The following ST3GAL4 variants were observed in gnomAD, a reference collection of about 807,000 sequenced individuals.
ST3GAL4 encodes the protein CMP-N-acetylneuraminate-beta-galactosamide-alpha-2,3-sialyltransferase 4.
Under a neutral mutation model 42.6 loss-of-function variants are expected in ST3GAL4, and 24 were observed. The observed-to-expected ratio is 0.56, with a 90% CI of 0.41 to 0.79. ST3GAL4 has a LOEUF of 0.79. ST3GAL4 is among the 30% of genes least tolerant of loss of function. ST3GAL4 has a pLI of 0.00. For missense variants in ST3GAL4, 311 were observed against 430.8 expected (o/e 0.72, Z 2.46); for synonymous variants, 135 against 163.2 (o/e 0.83, Z 1.32).
At position 126,398,476 on chromosome 11, in the gene ST3GAL4, G is replaced by A. The variant is rs1953870923; in HGVS notation, c.-60-7620G>A. On this transcript the variant is annotated intron_variant, in intron 1 of 10. Coordinates refer to ENST00000444328, the MANE Select transcript of ST3GAL4 (RefSeq NM_001254757.2). This position sits in a 1 kb window ranked among gnomAD's most constrained non-coding sequence, Gnocchi z 4.7. ...CTCATTCCATGCAGCAGCTCTCACC[G>A]GTTGGAGTCTCATGCTTGCAGCTCC... is the stretch of plus-strand genomic sequence containing the variant. Among the ~76,000 whole-genome samples the A allele has an allele frequency of 6.6e-6, 1 of 152,326 alleles. No homozygotes were observed. The highest frequency in any genetic ancestry group is 1.5e-5 in the Non-Finnish European group (1 of 68,024).
rs538310650 is a variant in ST3GAL4, at chr11:126,383,794, G to A, written c.-60-22302G>A. Among the ~76,000 whole-genome samples the A allele has an allele frequency of 5.7e-4, 87 of 152,296 alleles. No homozygotes were observed. Among genetic ancestry groups the A allele is most frequent in the African/African-American group, 2.0e-3 (85 of 41,572 alleles). On this transcript the variant is annotated intron_variant, in intron 1 of 10. Transcript: ENST00000444328. This position sits in a 1 kb window ranked among gnomAD's most constrained non-coding sequence, Gnocchi z 4.5. ...GCAGATTCACCAGAGGGGCTACTGC[G>A]CAGAGCCTGGGCCCTGGACACCTAG...
At chr11:126,380,866 G>C (rs1952972251) in intron 1 of ST3GAL4, among the ~76,000 whole-genome samples, 1 of 152,226 alleles carries the variant, frequency 6.6e-6, no homozygotes, top group Admixed American at 6.5e-5. Flanking sequence ...GGAATGGAGG[G>C]AGTTGGCCAA....
At position 126,396,571 on chromosome 11, in the gene ST3GAL4, C is replaced by G. The variant is rs12289389; in HGVS notation, c.-60-9525C>G. ...GCGGAAGCGTGGCTGAGAAGGGGCT[C>G]GACAGGCTCTTCGTCACTGTGCGGA... On this transcript the variant is annotated intron_variant, in intron 1 of 10. Transcript: ENST00000444328. This position sits in a 1 kb window ranked among gnomAD's most constrained non-coding sequence, Gnocchi z 5.8. 6.6e-6 allele frequency among the ~76,000 whole-genome samples: 1 copy of G among 151,050 alleles called. No individual in the cohort carries two copies. The highest frequency in any genetic ancestry group is 6.6e-5 in the Admixed American group (1 of 15,254).
chr11:126,371,027 C>T (rs1031874725), intron 1 of ST3GAL4, among the ~76,000 whole-genome samples: 3 of 151,766 alleles, frequency 2.0e-5, no homozygotes, highest in African/African-American at 7.3e-5. Flanking sequence ...TAACAGACCT[C>T]CATGTGATAA....
chr11:126,375,514 C>A lies in ST3GAL4; in HGVS notation c.-61+19672C>A, dbSNP rs1280000019. Among the ~76,000 whole-genome samples, 7 of 152,266 alleles carry A rather than the reference C, an allele frequency of 4.6e-5. No individual in the cohort carries two copies. The East Asian group carries it at 1.4e-3, about 29-fold the overall frequency. On this transcript the variant is annotated intron_variant, in intron 1 of 10. Transcript: ENST00000444328. ...GGCTGAAGTAGCCAGAATTCCAGTG[C>A]CAGCTCCGCTCCTCACGAGCTGTAC...
At chr11:126,413,463 G>A (rs1242196530) in intron 9 of ST3GAL4, 42 bp from the exon 10 acceptor site, 2 of 1,607,616 alleles carry the variant, frequency 1.2e-6, no homozygotes, top group Non-Finnish European at 8.5e-7. Context: ...ATGGTGGGAG[G>A]AGCAGGGCTC....
In ST3GAL4 at chr11:126,396,096, C is replaced by T. The variant is rs1338805425; in HGVS notation, c.-60-10000C>T. Among the ~76,000 whole-genome samples, 1 of 151,584 alleles carries T rather than the reference C, an allele frequency of 6.6e-6. No homozygotes were observed. The highest frequency in any genetic ancestry group is 1.5e-5 in the Non-Finnish European group (1 of 67,916). ...GAGTGTTGATCGGGTGGATTCTAAC[C>T]CTGTGGGAGAACTCCCCAGCCCGTA... On this transcript the variant is annotated intron_variant, in intron 1 of 10. Transcript: ENST00000444328. This position sits in a 1 kb window ranked among gnomAD's most constrained non-coding sequence, Gnocchi z 5.8.
rs575066848 is a variant in ST3GAL4 at position 126,409,607 on chromosome 11, C to G, written c.771+196C>G. Reference sequence around the variant, plus strand: ...ACTTTAGAGAACCAAGGGGCATTTACTAAGTGGGGAGGGATGGGGATGGCC... The same window carrying G: ...ACTTTAGAGAACCAAGGGGCATTTAGTAAGTGGGGAGGGATGGGGATGGCC... On this transcript the variant is annotated intron_variant, in intron 9 of 10. Coordinates refer to ENST00000444328, the MANE Select transcript of ST3GAL4 (RefSeq NM_001254757.2). This position sits in a 1 kb window ranked among gnomAD's most constrained non-coding sequence, Gnocchi z 4.9. 5.9e-4 allele frequency among the ~76,000 whole-genome samples: 89 copies of G among 152,080 alleles called. No homozygotes were observed. Among genetic ancestry groups the G allele is most frequent in the Non-Finnish European group, 1.1e-3 (72 of 68,014 alleles).
Position 126,406,426 on chromosome 11 carries a change from T to A in ST3GAL4, c.17-47T>A. 1.2e-6 allele frequency: 2 copies of A among 1,613,778 alleles called. No individual in the cohort carries two copies. The highest frequency in any genetic ancestry group is 1.7e-6 in the Non-Finnish European group (2 of 1,179,896). On this transcript the variant is annotated intron_variant, in intron 2 of 10. Transcript: ENST00000444328. The surrounding 1 kb of genome is among the most constrained non-coding windows in gnomAD (Gnocchi z 5.4). ...CAGGTGGGAAGGTGGACGGGGGTTG[T>A]ACCTGCCTGTTGCTGCCTCTAGCTC...
intron 1 of ST3GAL4, among the ~76,000 whole-genome samples, chr11:126,401,050 T>A (rs1591479032): frequency 6.7e-6 from 1 of 149,356 alleles, no homozygotes; most frequent in Non-Finnish European, 1.5e-5. Context: ...GAGGAGAGAG[T>A]CCAGCTTTGA....
chr11:126,358,411 C>T (rs2135362803), intron 1 of ST3GAL4: 1 of 435,796 alleles, frequency 2.3e-6, no homozygotes, highest in East Asian at 7.8e-5. Flanking sequence ...TGCCCCCTTC[C>T]CAGAGGCTTC....
At chr11:126,395,834 G>C (rs898283716) in intron 1 of ST3GAL4, among the ~76,000 whole-genome samples, 1 of 152,040 alleles carries the variant, frequency 6.6e-6, no homozygotes, top group African/African-American at 2.4e-5. Context: ...TCCCAGTCTC[G>C]TGCATGTCTT....
rs765176962 is a variant in ST3GAL4, at chr11:126,408,421, C to A, written c.552C>A (p.Asp184Glu). Residue 184 changes from aspartate (D) to glutamate (E), a missense_variant, in exon 8 of 11, where the codon GAC becomes GAA. Coordinates refer to ENST00000444328, the MANE Select transcript of ST3GAL4 (RefSeq NM_001254757.2). ...HFDPKVENNP[D>E]TLLVLVAFKA... ...ACCCCAAAGTAGAAAACAACCCAGACACACTCCTCGTCCTGGTAGCTTTCA... is the reference window on the plus strand; with the variant it reads ...ACCCCAAAGTAGAAAACAACCCAGAAACACTCCTCGTCCTGGTAGCTTTCA... 6.2e-7 allele frequency: 1 copy of A among 1,614,250 alleles called. No homozygotes were observed.
chr11:126,379,477 A>G lies in ST3GAL4; in HGVS notation c.-61+23635A>G, dbSNP rs1472899615. Reference sequence around the variant, plus strand: ...TGGGTATCCTTAATTTTGTTTTTATATTATTATTATTATTATTGAGACGGA... The same window carrying G: ...TGGGTATCCTTAATTTTGTTTTTATGTTATTATTATTATTATTGAGACGGA... On this transcript the variant is annotated intron_variant, in intron 1 of 10. Coordinates refer to ENST00000444328, the MANE Select transcript of ST3GAL4 (RefSeq NM_001254757.2). This position sits in a 1 kb window ranked among gnomAD's most constrained non-coding sequence, Gnocchi z 4.2. Among the ~76,000 whole-genome samples the G allele has an allele frequency of 2.0e-5, 3 of 150,898 alleles. No individual in the cohort carries two copies. Among genetic ancestry groups the G allele is most frequent in the Non-Finnish European group, 2.9e-5 (2 of 67,800 alleles).
At chr11:126,412,319 C>T (rs1954567603) in intron 9 of ST3GAL4, among the ~76,000 whole-genome samples, 1 of 152,034 alleles carries the variant, frequency 6.6e-6, no homozygotes, top group South Asian at 2.1e-4. Context: ...CAGGAGAGCT[C>T]AGAGAGGGAG....
Position 126,366,126 on chromosome 11 carries a change from G to A in ST3GAL4, c.-61+10284G>A, listed in dbSNP as rs1341287832. Among the ~76,000 whole-genome samples, 2 of 152,216 alleles carry A rather than the reference G, an allele frequency of 1.3e-5. No homozygotes were observed. Among genetic ancestry groups the A allele is most frequent in the African/African-American group, 4.8e-5 (2 of 41,456 alleles). ...GCACAGCCACTCCCTGCCCCTTAGA[G>A]GCTCCGGGCTGCCTGGTGATAGCTC... On this transcript the variant is annotated intron_variant, in intron 1 of 10. Coordinates refer to ENST00000444328, the MANE Select transcript of ST3GAL4 (RefSeq NM_001254757.2). The surrounding 1 kb of genome is among the most constrained non-coding windows in gnomAD (Gnocchi z 4.2).
intron 1 of ST3GAL4, among the ~76,000 whole-genome samples, chr11:126,394,862 C>T (rs554447491): frequency 4.0e-5 from 6 of 151,750 alleles, no homozygotes; most frequent in African/African-American, 1.2e-4. Context: ...CTGTGGAGCC[C>T]GAGGGTGGGA....
chr11:126,360,568 C>T (rs1952211376), intron 1 of ST3GAL4, among the ~76,000 whole-genome samples: 1 of 152,178 alleles, frequency 6.6e-6, no homozygotes, highest in Non-Finnish European at 1.5e-5. Context: ...AGATTACAGG[C>T]ACCCGCCACC....
At position 126,389,626 on chromosome 11, in the gene ST3GAL4, C is replaced by G. The variant is rs553149950; in HGVS notation, c.-60-16470C>G. Among the ~76,000 whole-genome samples the G allele has an allele frequency of 3.3e-5, 5 of 152,212 alleles. No homozygotes were observed. The South Asian group carries it at 1.0e-3, about 32-fold the overall frequency. ...TCACCCAGGCTGGAGTATAGTGGCGCGATCATAGCTCGCTGCAACCTCTCA... is the reference window on the plus strand; with the variant it reads ...TCACCCAGGCTGGAGTATAGTGGCGGGATCATAGCTCGCTGCAACCTCTCA... On this transcript the variant is annotated intron_variant, in intron 1 of 10. Transcript: ENST00000444328.
Sources: gnomAD v4.1 joint callset for allele counts (sites outside exome capture counted in the v4.1 genomes callset) on GRCh38, gnomAD v4.1.1 for gene constraint, Gnocchi (gnomAD v3.1) non-coding constraint, MANE v1.5 for transcripts, NCBI Gene and HGNC (gene_info 2026-07-23, HGNC 2026-07-21) for gene names.